Variants in UBASH3B observed in about 807,000 individuals in gnomAD.
The protein encoded by UBASH3B is ubiquitin-associated and SH3 domain-containing protein B.
Under a neutral mutation model 83.4 loss-of-function variants are expected in UBASH3B, and 37 were observed. That is an observed-to-expected ratio of 0.44 (90% confidence interval 0.34 to 0.58). UBASH3B has a LOEUF of 0.58. UBASH3B is among the 20% of genes least tolerant of loss of function. UBASH3B has a pLI of 0.01. For synonymous variants in UBASH3B, 304 were observed against 318.3 expected (o/e 0.96, Z 0.48); for missense variants, 657 against 827.2 (o/e 0.79, Z 2.52).
chr11:122,795,910 A>G lies in UBASH3B; in HGVS notation c.1114-246A>G, dbSNP rs1861146043. 3.3e-5 allele frequency among the ~76,000 whole-genome samples: 5 copies of G among 152,214 alleles called. No homozygotes were observed. In the South Asian group the frequency reaches 1.0e-3, roughly 31 times the overall value. On this transcript the variant is annotated intron_variant, in intron 7 of 13. Coordinates refer to ENST00000284273, the MANE Select transcript of UBASH3B (RefSeq NM_032873.5). ...ACTTTAATGGCCAAATGCTACTCCT[A>G]CAAAGAGCAGCCGTAGCAACAATAA... is the stretch of plus-strand genomic sequence containing the variant.
In UBASH3B at chr11:122,806,397, T is replaced by G; in HGVS notation, c.1596-13T>G. ...AAATGTTTTCATTTCCTTTGTTCAT[T>G]TTTCTATTACAGACCTCACATTCCA... On this transcript the variant is annotated splice_polypyrimidine_tract_variant and intron_variant, in intron 11 of 13. Transcript: ENST00000284273. This position sits in a 1 kb window ranked among gnomAD's most constrained non-coding sequence, Gnocchi z 4.0. The G allele has an allele frequency of 6.3e-7, 1 of 1,588,642 alleles. No homozygotes were observed. The highest frequency in any genetic ancestry group is 8.5e-7 in the Non-Finnish European group (1 of 1,170,986).
chr11:122,688,447 TG>T (rs56373531), intron 1 of UBASH3B, among the ~76,000 whole-genome samples: 9,888 of 115,374 alleles, frequency 0.086, 499 homozygotes, highest in Middle Eastern at 0.13. Context: ...TTTTGTGGTT[TG>T]TTTGTTTTTT....
At chr11:122,775,942 T>C (rs1860723801) in intron 1 of UBASH3B, 1 of 355,900 alleles carries the variant, frequency 2.8e-6, no homozygotes, top group African/African-American at 2.1e-5. Context: ...GAAGCAAAAA[T>C]AAAACTCTAA....
chr11:122,742,787 T>C (rs915510405), intron 1 of UBASH3B, among the ~76,000 whole-genome samples: 8 of 152,264 alleles, frequency 5.3e-5, no homozygotes, highest in African/African-American at 1.4e-4. Context: ...TCCGGAGATG[T>C]CATTCACCCC....
chr11:122,797,395 T>C (rs1861175277), intron 9 of UBASH3B: 1 of 172,682 alleles, frequency 5.8e-6, no homozygotes, highest in South Asian at 1.6e-4. Context: ...CTGGACTTGC[T>C]GAATTTGTAA....
intron 1 of UBASH3B, among the ~76,000 whole-genome samples, chr11:122,707,297 C>G (rs1864133163): frequency 6.6e-6 from 1 of 152,176 alleles, no homozygotes; most frequent in South Asian, 2.1e-4. Context: ...CAACCCTACT[C>G]TGCAGGCTTT....
rs149877488 is a variant in UBASH3B, at chr11:122,765,576, C to T, written c.162-10643C>T. 2.6e-5 allele frequency among the ~76,000 whole-genome samples: 4 copies of T among 152,260 alleles called. No individual in the cohort carries two copies. In the East Asian group the frequency reaches 7.7e-4, roughly 29 times the overall value. On this transcript the variant is annotated intron_variant, in intron 1 of 13. Coordinates refer to ENST00000284273, the MANE Select transcript of UBASH3B (RefSeq NM_032873.5). ...AGCAGGTACATTAGAAGAGGAGTGG[C>T]AACTTTTTCATGAGGTTGAGTTCCA...
At chr11:122,667,994 C>T (rs1863542888) in intron 1 of UBASH3B, among the ~76,000 whole-genome samples, 1 of 152,098 alleles carries the variant, frequency 6.6e-6, no homozygotes, top group Non-Finnish European at 1.5e-5. Flanking sequence ...TTCTTTTGTT[C>T]TTTCTTTTTG....
intron 1 of UBASH3B, among the ~76,000 whole-genome samples, chr11:122,718,783 C>T (rs1039859345): frequency 5.3e-5 from 8 of 152,080 alleles, no homozygotes; most frequent in South Asian, 4.1e-4. Flanking sequence ...CCTCTTCTTA[C>T]TCCAATCTGA....
At chr11:122,720,969 G>A (rs1182676452) in intron 1 of UBASH3B, among the ~76,000 whole-genome samples, 1 of 152,082 alleles carries the variant, frequency 6.6e-6, no homozygotes, top group Non-Finnish European at 1.5e-5. Flanking sequence ...GACTCGGCCA[G>A]GCGCGGTGGC....
rs1591336936 is a variant in UBASH3B, at chr11:122,811,787, G to A, written c.*1901G>A. 2.0e-5 allele frequency: 3 copies of A among 152,090 alleles called. No individual in the cohort carries two copies. Among genetic ancestry groups the A allele is most frequent in the African/African-American group, 7.2e-5 (3 of 41,398 alleles). The allele number at this position is 152,090 out of a possible 1,614,324, so 9.4% of individuals were successfully genotyped here. On this transcript the variant is annotated 3_prime_UTR_variant, in exon 14 of 14. Transcript: ENST00000284273. ...ATGTGTTAATATAAAATGTTGGGAG[G>A]GAATATTCCCAATAAAGGTCTTAAG...
chr11:122,676,595 C>T (rs1391720244), intron 1 of UBASH3B, among the ~76,000 whole-genome samples: 2 of 151,918 alleles, frequency 1.3e-5, no homozygotes, highest in African/African-American at 4.8e-5. Context: ...GGCCCGTAGT[C>T]TCAGTTACAC....
At position 122,656,100 on chromosome 11, in the gene UBASH3B, G is replaced by A; in HGVS notation, c.51G>A (p.Glu17=). The change falls in exon 1 of 14, where the codon GAG becomes GAA. Residue 17 remains glutamate, a synonymous_variant. Coordinates refer to ENST00000284273, the MANE Select transcript of UBASH3B (RefSeq NM_032873.5). ...CGCTCGGCATGGCTGCGAGAGAGGAGCTGTACAGCAAAGTCACCCCCCGGA... is the reference window on the plus strand; with the variant it reads ...CGCTCGGCATGGCTGCGAGAGAGGAACTGTACAGCAAAGTCACCCCCCGGA... ...PSPLGMAARE[E]LYSKVTPRRN... The A allele has an allele frequency of 6.2e-7, 1 of 1,602,568 alleles. No homozygotes were observed. The highest frequency in any genetic ancestry group is 8.5e-7 in the Non-Finnish European group (1 of 1,175,698).
chr11:122,750,425 AC>A (rs1264048884), intron 1 of UBASH3B, among the ~76,000 whole-genome samples: 11 of 152,090 alleles, frequency 7.2e-5, no homozygotes, highest in Non-Finnish European at 1.2e-4. Context: ...TTTGACCCAA[AC>A]CCCCAAAGCT....
intron 1 of UBASH3B, among the ~76,000 whole-genome samples, chr11:122,672,997 G>A (rs149315406): frequency 5.4e-4 from 83 of 152,340 alleles, no homozygotes; most frequent in African/African-American, 1.9e-3. Context: ...GAGGGGATGT[G>A]CAGTGATGAA....
chr11:122,658,789 G>A (rs1457079162), intron 1 of UBASH3B, among the ~76,000 whole-genome samples: 1 of 152,242 alleles, frequency 6.6e-6, no homozygotes, highest in East Asian at 1.9e-4. Context: ...GAGCAATCGT[G>A]AAGTGTTAGT....
chr11:122,809,082 C>CT (rs544827622), intron 13 of UBASH3B, among the ~76,000 whole-genome samples: 112 of 146,590 alleles, frequency 7.6e-4, no homozygotes, highest in South Asian at 7.2e-3. Context: ...TTTCTTTTTT[C>CT]TTTTTTTTTT....
intron 1 of UBASH3B, among the ~76,000 whole-genome samples, chr11:122,770,612 G>A (rs907404182): frequency 1.3e-5 from 2 of 152,132 alleles, no homozygotes; most frequent in East Asian, 1.9e-4. Context: ...CAAAGAAAAC[G>A]GCAGCTAACA....
intron 1 of UBASH3B, among the ~76,000 whole-genome samples, chr11:122,707,206 A>C (rs1225711938): frequency 6.6e-6 from 1 of 152,226 alleles, no homozygotes; most frequent in Non-Finnish European, 1.5e-5. Flanking sequence ...ATAAAATCCA[A>C]ATATCTGGGA....
Sources: allele counts gnomAD v4.1 joint callset (sites outside exome capture counted in the v4.1 genomes callset), GRCh38; gene constraint gnomAD v4.1.1; non-coding constraint Gnocchi (gnomAD v3.1); transcripts MANE v1.5; gene names NCBI Gene and HGNC (gene_info 2026-07-23, HGNC 2026-07-21).